RBBP7: variants seen among roughly 807,000 people sequenced by gnomAD.
The protein encoded by RBBP7 is RB binding protein 7, chromatin remodeling factor.
A neutral mutation model predicts 35.2 loss-of-function variants in RBBP7; 5 were observed. That is an observed-to-expected ratio of 0.14 (90% confidence interval 0.07 to 0.30). The LOEUF (loss-of-function observed/expected upper bound fraction) is 0.30, where lower values mean the gene tolerates loss of function less well. Ranked by LOEUF, RBBP7 falls within the 10% of genes least tolerant of loss-of-function variation. The pLI is 1.00. For synonymous variants in RBBP7, 140 were observed against 118.7 expected (o/e 1.18, Z -1.17); for missense variants, 155 against 327.5 (o/e 0.47, Z 4.07).
chrX:16,853,961 C>T lies in RBBP7; in HGVS notation c.598-119G>A, dbSNP rs777558981. On this transcript the variant is annotated intron_variant, in intron 5 of 11. Coordinates refer to ENST00000380087, the MANE Select transcript of RBBP7 (RefSeq NM_002893.4). ...AGGCTGGTGCGATCTCGGCTCACTG[C>T]AGCCTCCGCCTCCAGGGCTCAAGCG... is the stretch of plus-strand genomic sequence containing the variant. The T allele has an allele frequency of 6.7e-4, 376 of 559,311 alleles. No homozygotes were observed. The African/African-American group carries it at 7.9e-3, about 12-fold the overall frequency. The allele number at this position is 559,311 out of a possible 1,213,427, so 46.1% of individuals were successfully genotyped here.
chrX:16,866,575 A>AAAGAAAGAAAGAAAGC (rs1569063945), intron 2 of RBBP7, among the ~76,000 whole-genome samples: 5 of 101,193 alleles, frequency 4.9e-5, no homozygotes, highest in African/African-American at 2.0e-4. Flanking sequence ...AGAAAGCAAG[A>AAAGAAAGAAAGAAAGC]AAGCAAGAAA....
rs141766376 is a variant in RBBP7 at position 16,868,947 on chromosome X, A to G, written c.161+129T>C. 638 of 725,579 alleles carry G rather than the reference A, an allele frequency of 8.8e-4. 6 individuals are homozygous for G. In the East Asian group the frequency reaches 0.017, roughly 20 times the overall value. 59.8% of individuals were successfully genotyped at this position (725,579 alleles called of 1,213,427 possible). On this transcript the variant is annotated intron_variant, in intron 2 of 11. Coordinates refer to ENST00000380087, the MANE Select transcript of RBBP7 (RefSeq NM_002893.4). ...CCCACAAATCACGTAAGTTTTGAAA[A>G]TAAAAACCACCTGCCACCTCATGCA...
At chrX:16,858,208 C>T (rs1255564374) in intron 4 of RBBP7, among the ~76,000 whole-genome samples, 2 of 111,860 alleles carry the variant, frequency 1.8e-5, no homozygotes, top group Non-Finnish European at 3.8e-5. Context: ...TTTGGCTTCA[C>T]TATTGGGGTC....
At position 16,845,898 on chromosome X, in the gene RBBP7, C is replaced by G; in HGVS notation, c.1139G>C (p.Ser380Thr). 1 of 1,211,371 alleles carries G rather than the reference C, an allele frequency of 8.3e-7. No homozygotes were observed. The highest frequency in any genetic ancestry group is 1.1e-6 in the Non-Finnish European group (1 of 895,334). Residue 380 changes from serine (S) to threonine (T), a missense_variant, in exon 11 of 12, where the codon AGC (serine) becomes ACC (threonine). Ser to Thr is a moderately conservative substitution (Grantham distance 58, BLOSUM62 1). Coordinates refer to ENST00000380087, the MANE Select transcript of RBBP7 (RefSeq NM_002893.4). ...GGHTAKISDF[S>T]WNPNEPWVIC... The stretch of plus-strand genomic sequence containing the variant: ...GACCCAAGGCTCATTGGGGTTCCAG[C>G]TAAAATCTGAAATCTTAGCAGTGTG...
chrX:16,855,413 A>AT lies in RBBP7; in HGVS notation c.598-1572dup, dbSNP rs1194402738. 4.5e-5 allele frequency among the ~76,000 whole-genome samples: 5 copies of AT among 110,778 alleles called. No individual in the cohort carries two copies. In the East Asian group the frequency reaches 8.5e-4, roughly 19 times the overall value. On this transcript the variant is annotated intron_variant, in intron 5 of 11. Coordinates refer to ENST00000380087, the MANE Select transcript of RBBP7 (RefSeq NM_002893.4). ...TAATGGCTATTTTCCCAGTAACAAAATTTTTTTTTACACAATACATATGCC... is the reference window on the plus strand; with the variant it reads ...TAATGGCTATTTTCCCAGTAACAAAATTTTTTTTTTACACAATACATATGCC...
rs1445952427 is a variant in RBBP7 at position 16,844,627 on chromosome X, C to T, written c.*408G>A. ...AAGTAGACTCCCCCGCCCCCCCCCA[C>T]TAAGCTTTTAAAAAAACACAAGTTT... On this transcript the variant is annotated 3_prime_UTR_variant, in exon 12 of 12. Transcript: ENST00000380087. The T allele has an allele frequency of 1.1e-5, 1 of 93,074 alleles. No homozygotes were observed. The highest frequency in any genetic ancestry group is 2.1e-5 in the Non-Finnish European group (1 of 48,032). The allele number at this position is 93,074 out of a possible 1,213,427, so 7.7% of individuals were successfully genotyped here.
chrX:16,870,187 G>C lies in RBBP7; in HGVS notation c.-134C>G, dbSNP rs967000616. On this transcript the variant is annotated 5_prime_UTR_variant, in exon 1 of 12. Coordinates refer to ENST00000380087, the MANE Select transcript of RBBP7 (RefSeq NM_002893.4). ...CTGTCGAAAGCCCGGGCCCCGTCTT[G>C]CTGCCTGGGTGCTCCCCAGACGCCG... 1 of 817,543 alleles carries C rather than the reference G, an allele frequency of 1.2e-6. No individual in the cohort carries two copies. The allele number at this position is 817,543 out of a possible 1,213,427, so 67.4% of individuals were successfully genotyped here. A position where few individuals can be genotyped will look rare whatever the true frequency, so the allele number is the denominator to read the frequency against.
chrX:16,860,888 T>C (rs1409085710), intron 3 of RBBP7, among the ~76,000 whole-genome samples: 3 of 111,300 alleles, frequency 2.7e-5, no homozygotes, highest in Non-Finnish European at 5.7e-5. Context: ...TTACAATATA[T>C]TCAGGCCGGG....
intron 6 of RBBP7, 98 bp downstream of exon 6, chrX:16,853,584 T>C: frequency 2.3e-5 from 20 of 863,100 alleles, no homozygotes; most frequent in Non-Finnish European, 2.9e-5. Flanking sequence ...TTTAAAGCCA[T>C]AACTTAAAAA....
intron 10 of RBBP7, 67 bp from the exon 11 acceptor site, chrX:16,846,005 T>G: frequency 8.6e-7 from 1 of 1,159,149 alleles, no homozygotes; most frequent in Non-Finnish European, 1.2e-6. Flanking sequence ...AAGGTTTTAC[T>G]AAGTTTTTAG....
Position 16,853,791 on chromosome X carries a change from C to G in RBBP7, c.649G>C (p.Asp217His), listed in dbSNP as rs781764392. ...TGGCCAGTAAAGATGGCTTTAGCAT[C>G]CACAATTTTGCCTTCTTTTGGTCCT... ...NAGPKEGKIV[D>H]AKAIFTGHSA... Residue 217 changes from aspartate (D) to histidine (H), a missense_variant, in exon 6 of 12, where the codon GAT (aspartate) becomes CAT (histidine). Physicochemically the swap from Asp to His is moderately conservative, Grantham distance 81. Around this residue, in one of 3 missense-constraint regions of RBBP7, gnomAD observed 79 missense variants for 220.8 expected, o/e 0.36. Transcript: ENST00000380087. The G allele has an allele frequency of 3.0e-5, 36 of 1,182,203 alleles. No homozygotes were observed. The highest frequency in any genetic ancestry group is 3.7e-5 in the Non-Finnish European group (33 of 882,594).
chrX:16,867,543 C>T (rs1034497603), intron 2 of RBBP7, among the ~76,000 whole-genome samples: 4 of 111,825 alleles, frequency 3.6e-5, no homozygotes, highest in South Asian at 3.7e-4. Context: ...ACTCTTCCCA[C>T]ATCTGTACAT....
At position 16,870,044 on chromosome X, in the gene RBBP7, T is replaced by C; in HGVS notation, c.10A>G (p.Lys4Glu). The change falls in exon 1 of 12, where the codon AAA becomes GAA. Residue 4 changes from lysine (K) to glutamate (E), a missense_variant. Lys to Glu is a moderately conservative substitution (Grantham distance 56, BLOSUM62 1). This residue lies in a region of RBBP7 where 59 missense variants were observed against 90.4 expected (regional missense o/e 0.65). Coordinates refer to ENST00000380087, the MANE Select transcript of RBBP7 (RefSeq NM_002893.4). ...GCCCCGCAGGGCCTCTTACTCTCTTTACTCGCCATCTTGCGTCGGGTCGTT... is the reference window on the plus strand; with the variant it reads ...GCCCCGCAGGGCCTCTTACTCTCTTCACTCGCCATCTTGCGTCGGGTCGTT... Reference protein sequence around the residue: MASKEMFEDTVEER... With the variant: MASEEMFEDTVEER... 5 of 1,064,326 alleles carry C rather than the reference T, an allele frequency of 4.7e-6. No homozygotes were observed. Among genetic ancestry groups the C allele is most frequent in the Non-Finnish European group, 6.2e-6 (5 of 810,776 alleles). The allele number at this position is 1,064,326 out of a possible 1,213,427, so 87.7% of individuals were successfully genotyped here.
Position 16,857,723 on chromosome X carries a change from A to T in RBBP7, c.482-14T>A. 8.4e-7 allele frequency: 1 copy of T among 1,191,463 alleles called. No individual in the cohort carries two copies. Among genetic ancestry groups the T allele is most frequent in the African/African-American group, 1.8e-5 (1 of 55,971 alleles). Reference sequence around the variant, plus strand: ...CTCCACTTGGGTCTAAGAAAAGATGAAAAACATTAAGTTATTCTCTGTTTA... The same window carrying T: ...CTCCACTTGGGTCTAAGAAAAGATGTAAAACATTAAGTTATTCTCTGTTTA... On this transcript the variant is annotated splice_polypyrimidine_tract_variant and intron_variant, in intron 4 of 11. Transcript: ENST00000380087.
At chrX:16,856,276 T>C (rs968707638) in intron 5 of RBBP7, among the ~76,000 whole-genome samples, 6 of 111,186 alleles carry the variant, frequency 5.4e-5, no homozygotes, top group African/African-American at 2.0e-4. Context: ...ATGCCTGTAA[T>C]CCCAGCACTT....
In RBBP7 at chrX:16,855,484, G is replaced by C. The variant is rs1467063691; in HGVS notation, c.598-1642C>G. Among the ~76,000 whole-genome samples the C allele has an allele frequency of 5.4e-5, 6 of 112,050 alleles. No individual in the cohort carries two copies. In the Admixed American group the frequency reaches 5.7e-4, roughly 11 times the overall value. ...ACACATGAAGACACTCAATGTGTGTGAACTGAAGAGAAAGGAACATGTGGT... is the reference window on the plus strand; with the variant it reads ...ACACATGAAGACACTCAATGTGTGTCAACTGAAGAGAAAGGAACATGTGGT... On this transcript the variant is annotated intron_variant, in intron 5 of 11. Coordinates refer to ENST00000380087, the MANE Select transcript of RBBP7 (RefSeq NM_002893.4).
intron 9 of RBBP7, among the ~76,000 whole-genome samples, chrX:16,851,631 C>G (rs1481561288): frequency 3.6e-5 from 4 of 112,179 alleles, no homozygotes; most frequent in African/African-American, 1.3e-4. Context: ...GAGTGCACAT[C>G]TGCAGAATGA....
chrX:16,851,579 C>A (rs1316909286), intron 9 of RBBP7, among the ~76,000 whole-genome samples: 2 of 111,739 alleles, frequency 1.8e-5, no homozygotes, highest in Non-Finnish European at 3.8e-5. Context: ...GTCCTTGTCC[C>A]CTTCACAAAG....
Position 16,845,025 on chromosome X carries a change from T to A in RBBP7, c.*10A>T. The A allele has an allele frequency of 8.3e-7, 1 of 1,197,668 alleles. No homozygotes were observed. Among genetic ancestry groups the A allele is most frequent in the East Asian group, 3.0e-5 (1 of 33,763 alleles). On this transcript the variant is annotated 3_prime_UTR_variant, in exon 12 of 12. Transcript: ENST00000380087. Reference sequence around the variant, plus strand: ...TTACATTCAACAGAAACATTTCTCGTACTTTGGGTTTAAGATCCTTGTCCC... The same window carrying A: ...TTACATTCAACAGAAACATTTCTCGAACTTTGGGTTTAAGATCCTTGTCCC...
Sources: gnomAD v4.1 joint callset for allele counts (sites outside exome capture counted in the v4.1 genomes callset) on GRCh38, gnomAD v4.1.1 for gene constraint, gnomAD v4.1.1 regional missense constraint, MANE v1.5 for transcripts, NCBI Gene and HGNC (gene_info 2026-07-23, HGNC 2026-07-21) for gene names.